The following SYNPR variants were observed in gnomAD, a reference collection of about 807,000 sequenced individuals.
SYNPR encodes synaptoporin.
In SYNPR, 23 loss-of-function variants were observed where a neutral mutation model predicts 32.9. The observed-to-expected ratio is 0.70, with a 90% CI of 0.50 to 0.99. The LOEUF is 0.99. SYNPR is among the 50% of genes least tolerant of loss of function. The probability of loss-of-function intolerance (pLI) is 0.00; values close to 1 mark genes in which losing one functional copy is unlikely to be tolerated. For missense variants in SYNPR, 318 were observed against 349.3 expected (o/e 0.91, Z 0.71); for synonymous variants, 146 against 135.9 (o/e 1.07, Z -0.52).
chr3:63,552,716 T>C (rs1185344799), intron 3 of SYNPR, among the ~76,000 whole-genome samples: 1 of 152,170 alleles, frequency 6.6e-6, no homozygotes, highest in Non-Finnish European at 1.5e-5. Context: ...AAAATATATA[T>C]ATCCTAGTTA....
intron 4 of SYNPR, among the ~76,000 whole-genome samples, chr3:63,565,091 C>T (rs1190169604): frequency 1.3e-5 from 2 of 152,140 alleles, no homozygotes; most frequent in African/African-American, 4.8e-5. Flanking sequence ...TATATGTTTT[C>T]TTTTTCATTT....
chr3:63,387,219 T>C (rs533481829), intron 2 of SYNPR, among the ~76,000 whole-genome samples: 2 of 152,342 alleles, frequency 1.3e-5, no homozygotes, highest in Non-Finnish European at 2.9e-5. Context: ...ATTTTCACCA[T>C]ATCCATTCTT....
the SYNPR span, among the ~76,000 whole-genome samples, chr3:63,207,993 GAAAT>G: frequency 6.6e-6 from 1 of 152,042 alleles, no homozygotes; most frequent in Non-Finnish European, 1.5e-5. Flanking sequence ...GAGATGGTCA[GAAAT>G]AAATAAATAA....
At chr3:63,495,974 A>G (rs1158945661) in intron 3 of SYNPR, among the ~76,000 whole-genome samples, 2 of 152,120 alleles carry the variant, frequency 1.3e-5, no homozygotes, top group African/African-American at 4.8e-5. Context: ...GTATGTCACT[A>G]TATGTTGATT....
In SYNPR at chr3:63,485,626, T is replaced by A. The variant is rs138713293; in HGVS notation, c.209+4670T>A. On this transcript the variant is annotated intron_variant, in intron 3 of 5. Transcript: ENST00000478300. ...TTTGAAGGACCCTAATTTGCTTATCTTAAGTCTTCAAAATATGATATTTGT... is the reference window on the plus strand; with the variant it reads ...TTTGAAGGACCCTAATTTGCTTATCATAAGTCTTCAAAATATGATATTTGT... Among the ~76,000 whole-genome samples, 18 of 152,292 alleles carry A rather than the reference T, an allele frequency of 1.2e-4. No individual in the cohort carries two copies. The East Asian group carries it at 3.5e-3, about 29-fold the overall frequency.
intron 2 of SYNPR, among the ~76,000 whole-genome samples, chr3:63,300,990 TAG>T (rs1329642785): frequency 6.6e-6 from 1 of 152,102 alleles, no homozygotes; most frequent in Non-Finnish European, 1.5e-5. Flanking sequence ...AAGGAAGACG[TAG>T]AGTGTTGGAA....
intron 3 of SYNPR, among the ~76,000 whole-genome samples, chr3:63,510,440 G>T (rs973720343): frequency 2.6e-5 from 4 of 152,146 alleles, no homozygotes; most frequent in Non-Finnish European, 4.4e-5. Context: ...GTTTAAAGGA[G>T]GTGACAGCAT....
chr3:63,410,046 A>C (rs1409244958), intron 2 of SYNPR, among the ~76,000 whole-genome samples: 2 of 150,452 alleles, frequency 1.3e-5, no homozygotes, highest in African/African-American at 4.9e-5. Context: ...CAAAAAAAAC[A>C]CTTTGTTGTC....
rs111762630 is a variant in SYNPR at position 63,556,366 on chromosome 3, T to C, written c.210-177T>C. Among the ~76,000 whole-genome samples the C allele has an allele frequency of 7.1e-3, 1,080 of 152,328 alleles. 9 individuals carry two copies. The highest frequency in any genetic ancestry group is 0.025 in the African/African-American group (1,037 of 41,556). On this transcript the variant is annotated intron_variant, in intron 3 of 5. Coordinates refer to ENST00000478300, the MANE Select transcript of SYNPR (RefSeq NM_001130003.2). The stretch of plus-strand genomic sequence containing the variant: ...CCAGTTGAATGATGATTAGCTGCAA[T>C]ATTGATTTCCACATTTCTAGCTATA...
At chr3:63,414,387 G>T (rs1271430527) in intron 2 of SYNPR, among the ~76,000 whole-genome samples, 1 of 152,080 alleles carries the variant, frequency 6.6e-6, no homozygotes, top group Non-Finnish European at 1.5e-5. Context: ...TGTCACTTCA[G>T]CCTTGGTTCC....
intron 3 of SYNPR, among the ~76,000 whole-genome samples, chr3:63,553,997 C>G (rs1050025017): frequency 3.5e-4 from 53 of 152,260 alleles, no homozygotes; most frequent in Non-Finnish European, 8.8e-5. Flanking sequence ...GCTGGGATTA[C>G]AGGCGTGAGC....
chr3:63,306,073 A>T (rs577649939), intron 2 of SYNPR, among the ~76,000 whole-genome samples: 2 of 151,944 alleles, frequency 1.3e-5, no homozygotes, highest in Non-Finnish European at 2.9e-5. Flanking sequence ...CTTCTCCTCC[A>T]TTAACCCGAG....
intron 4 of SYNPR, among the ~76,000 whole-genome samples, chr3:63,604,543 T>G (rs924024273): frequency 1.3e-5 from 2 of 152,156 alleles, no homozygotes; most frequent in African/African-American, 4.8e-5. Context: ...GTATGTTGTG[T>G]CTTTGTTCTA....
rs182559619 is a variant in SYNPR at position 63,479,448 on chromosome 3, A to G, written c.85-1384A>G. ...TCACTTAAAACTGCCACACACATGC[A>G]CACACACATACACACACACACACGT... On this transcript the variant is annotated intron_variant, in intron 2 of 5. Transcript: ENST00000478300. Among the ~76,000 whole-genome samples the G allele has an allele frequency of 2.7e-3, 282 of 104,484 alleles. 1 individual carries two copies. Among genetic ancestry groups the G allele is most frequent in the African/African-American group, 9.0e-3 (251 of 27,744 alleles). 68.5% of individuals were successfully genotyped at this position (104,484 alleles called of 152,430 possible).
intron 2 of SYNPR, among the ~76,000 whole-genome samples, chr3:63,397,048 G>A (rs1048099266): frequency 2.0e-5 from 3 of 148,678 alleles, no homozygotes; most frequent in East Asian, 2.0e-4. Flanking sequence ...AGCTTGCAGT[G>A]AGCCAAGATA....
chr3:63,419,878 T>C (rs1375653834), intron 2 of SYNPR, among the ~76,000 whole-genome samples: 1 of 152,210 alleles, frequency 6.6e-6, no homozygotes, highest in Non-Finnish European at 1.5e-5. Flanking sequence ...TAGTTCTATA[T>C]TCATTTTCTT....
At chr3:63,573,354 C>T (rs1443082352) in intron 4 of SYNPR, among the ~76,000 whole-genome samples, 2 of 152,106 alleles carry the variant, frequency 1.3e-5, no homozygotes, top group Non-Finnish European at 2.9e-5. Context: ...GGGAGCCAAC[C>T]TCAGAACATT....
At chr3:63,575,950 AT>A (rs1702972678) in intron 4 of SYNPR, among the ~76,000 whole-genome samples, 1 of 152,204 alleles carries the variant, frequency 6.6e-6, no homozygotes, top group Non-Finnish European at 1.5e-5. Context: ...TATTGTGCAA[AT>A]AAACATTTCT....
chr3:63,357,907 G>A (rs957411863), intron 2 of SYNPR, among the ~76,000 whole-genome samples: 17 of 152,130 alleles, frequency 1.1e-4, no homozygotes, highest in Non-Finnish European at 2.2e-4. Context: ...ACATTTTTCC[G>A]GGAAGGAGTA....
Sources: allele counts gnomAD v4.1 joint callset (sites outside exome capture counted in the v4.1 genomes callset), GRCh38; gene constraint gnomAD v4.1.1; transcripts MANE v1.5; gene names NCBI Gene and HGNC (gene_info 2026-07-23, HGNC 2026-07-21).